MGMT: variants seen among roughly 807,000 people sequenced by gnomAD.
MGMT encodes the protein O-6-methylguanine-DNA methyltransferase, also known as methylated-DNA--protein-cysteine methyltransferase.
In MGMT, 14 loss-of-function variants were observed where a neutral mutation model predicts 15.9. That is an observed-to-expected ratio of 0.88 (90% CI 0.58 to 1.37). MGMT has a LOEUF of 1.37. MGMT is among the 40% of genes most tolerant of loss of function. The pLI, the probability that MGMT is intolerant of heterozygous loss-of-function variation, is 0.00. For missense variants in MGMT, 282 were observed against 268.1 expected, an observed-to-expected ratio of 1.05 and a Z score of -0.36; for synonymous variants, 130 against 118.2, an observed-to-expected ratio of 1.10 and a Z score of -0.65.
intron 1 of MGMT, among the ~76,000 whole-genome samples, chr10:129,473,308 TTTTTA>T (rs1321488697): frequency 6.6e-6 from 1 of 152,182 alleles, no homozygotes; most frequent in Non-Finnish European, 1.5e-5. Flanking sequence ...ATGGGCCTTA[TTTTTA>T]TTTGGGGTGT....
At chr10:129,580,464 G>A (rs1846539193) in intron 2 of MGMT, among the ~76,000 whole-genome samples, 1 of 152,184 alleles carries the variant, frequency 6.6e-6, no homozygotes, top group Non-Finnish European at 1.5e-5. Context: ...ACACGAGGAG[G>A]CTGGCTCCAG....
chr10:129,469,085 T>G (rs924542656), intron 1 of MGMT, among the ~76,000 whole-genome samples: 3 of 152,164 alleles, frequency 2.0e-5, no homozygotes, highest in African/African-American at 4.8e-5. Context: ...CTTTTCGTTG[T>G]TTGGGTTTCC....
chr10:129,473,381 G>A (rs375273651), intron 1 of MGMT, among the ~76,000 whole-genome samples: 6 of 152,156 alleles, frequency 3.9e-5, no homozygotes, highest in Admixed American at 1.3e-4. Flanking sequence ...GGCGTGCTGC[G>A]CTTGTTGCCT....
intron 3 of MGMT, among the ~76,000 whole-genome samples, chr10:129,737,524 T>C (rs1380578589): frequency 1.3e-5 from 2 of 152,312 alleles, no homozygotes; most frequent in South Asian, 2.1e-4. Context: ...TCGGAGTAAT[T>C]TGATCGTCTG....
At chr10:129,616,110 T>C (rs1438104610) in intron 2 of MGMT, among the ~76,000 whole-genome samples, 1 of 152,178 alleles carries the variant, frequency 6.6e-6, no homozygotes, top group African/African-American at 2.4e-5. Flanking sequence ...ACGTGTTCTC[T>C]GAAAGGCAGG....
chr10:129,730,583 C>T (rs1848484696), intron 3 of MGMT, among the ~76,000 whole-genome samples: 1 of 152,186 alleles, frequency 6.6e-6, no homozygotes, highest in South Asian at 2.1e-4. Flanking sequence ...ATGAGGATGA[C>T]AAATGAAATT....
intron 3 of MGMT, among the ~76,000 whole-genome samples, chr10:129,723,527 TAAA>T (rs781330860): frequency 6.6e-6 from 1 of 151,782 alleles, no homozygotes; most frequent in Non-Finnish European, 1.5e-5. Context: ...AACACCAAAA[TAAA>T]AAACAATGAA....
chr10:129,613,315 C>G (rs1846983449), intron 2 of MGMT, among the ~76,000 whole-genome samples: 1 of 152,182 alleles, frequency 6.6e-6, no homozygotes, highest in Admixed American at 6.5e-5. Flanking sequence ...AAAATGAAAG[C>G]AAAGACGGGA....
intron 2 of MGMT, among the ~76,000 whole-genome samples, chr10:129,657,101 C>T (rs1847533054): frequency 6.6e-6 from 1 of 152,108 alleles, no homozygotes; most frequent in Non-Finnish European, 1.5e-5. Flanking sequence ...TGTAAAAGAT[C>T]CCATAGACTG....
At chr10:129,630,765 CA>C (rs1847201001) in intron 2 of MGMT, among the ~76,000 whole-genome samples, 1 of 152,218 alleles carries the variant, frequency 6.6e-6, no homozygotes, top group African/African-American at 2.4e-5. Context: ...TGCTAAATAC[CA>C]ATTACTGAGT....
At chr10:129,753,295 G>T (rs1234759364) in intron 3 of MGMT, among the ~76,000 whole-genome samples, 1 of 152,116 alleles carries the variant, frequency 6.6e-6, no homozygotes, top group Non-Finnish European at 1.5e-5. Context: ...ATTTATCTGG[G>T]AATGGATTTC....
At chr10:129,630,837 C>T (rs478477) in intron 2 of MGMT, among the ~76,000 whole-genome samples, 1 of 152,266 alleles carries the variant, frequency 6.6e-6, no homozygotes, top group Non-Finnish European at 1.5e-5. Context: ...TAACGTGCTC[C>T]TACTGAAAAA....
chr10:129,763,082 CA>C (rs937756330), intron 4 of MGMT, among the ~76,000 whole-genome samples: 1 of 152,058 alleles, frequency 6.6e-6, no homozygotes, highest in African/African-American at 2.4e-5. Context: ...TTGTTGGAAA[CA>C]AATCTATGGG....
intron 2 of MGMT, among the ~76,000 whole-genome samples, chr10:129,694,615 C>A (rs1340319782): frequency 2.0e-5 from 3 of 152,186 alleles, no homozygotes; most frequent in African/African-American, 7.2e-5. Context: ...CTCCAGCCCC[C>A]CTGTTTGTTC....
At chr10:129,518,323 C>G (rs1845761698) in intron 1 of MGMT, among the ~76,000 whole-genome samples, 1 of 99,064 alleles carries the variant, frequency 1.0e-5, no homozygotes. Flanking sequence ...GATGTGTGTA[C>G]AGATACACAC....
At chr10:129,569,172 T>C (rs1179007180) in intron 2 of MGMT, among the ~76,000 whole-genome samples, 1 of 152,134 alleles carries the variant, frequency 6.6e-6, no homozygotes, top group East Asian at 1.9e-4. Flanking sequence ...CCTCCTCTGC[T>C]AATGCGGCAC....
At chr10:129,741,532 G>T (rs1286029397) in intron 3 of MGMT, among the ~76,000 whole-genome samples, 1 of 152,218 alleles carries the variant, frequency 6.6e-6, no homozygotes, top group African/African-American at 2.4e-5. Context: ...GGTGGTGAGT[G>T]CTGTGTGGTC....
At chr10:129,529,189 G>A (rs996837562) in intron 1 of MGMT, among the ~76,000 whole-genome samples, 1 of 151,772 alleles carries the variant, frequency 6.6e-6, no homozygotes, top group Non-Finnish European at 1.5e-5. Context: ...GAGCGGGGGC[G>A]TGGGTGCGAT....
At chr10:129,507,200 GT>G (rs1341766910) in intron 1 of MGMT, among the ~76,000 whole-genome samples, 3 of 152,234 alleles carry the variant, frequency 2.0e-5, no homozygotes, top group African/African-American at 7.2e-5. Flanking sequence ...GGCAGGTGAC[GT>G]TGGAGCCAGC....
Sources: gnomAD v4.1 joint callset for allele counts (sites outside exome capture counted in the v4.1 genomes callset) on GRCh38, gnomAD v4.1.1 for gene constraint, MANE v1.5 for transcripts, NCBI Gene and HGNC (gene_info 2026-07-23, HGNC 2026-07-21) for gene names.